Variants in CDH11 observed in about 807,000 individuals in gnomAD.
CDH11 encodes cadherin 11, also known as cadherin-11.
In CDH11, 11 loss-of-function variants were observed where a neutral mutation model predicts 67.8. That is an observed-to-expected ratio of 0.16 (90% CI 0.10 to 0.27). The LOEUF is 0.27. Ranked by LOEUF, CDH11 falls within the 10% of genes least tolerant of loss-of-function variation. The probability of loss-of-function intolerance (pLI) is 1.00; values close to 1 mark genes in which losing one functional copy is unlikely to be tolerated. For missense variants in CDH11, 847 were observed against 1,031.2 expected (o/e 0.82, Z 2.45); for synonymous variants, 419 against 400.0 (o/e 1.05, Z -0.57).
At chr16:65,114,260 T>G (rs2142890138) in intron 1 of CDH11, among the ~76,000 whole-genome samples, 1 of 152,248 alleles carries the variant, frequency 6.6e-6, no homozygotes, top group East Asian at 1.9e-4. Flanking sequence ...AAGCTCCCAT[T>G]ACAAGTAAAA....
chr16:65,047,564 A>C (rs967046090), intron 2 of CDH11, among the ~76,000 whole-genome samples: 6 of 151,966 alleles, frequency 3.9e-5, no homozygotes, highest in Admixed American at 6.6e-5. Context: ...GTTGGCCAGG[A>C]TGGTCTCGAT....
chr16:65,088,819 G>A (rs2074744027), intron 1 of CDH11, among the ~76,000 whole-genome samples: 2 of 152,112 alleles, frequency 1.3e-5, no homozygotes, highest in Non-Finnish European at 2.9e-5. Flanking sequence ...ACATGTTTAG[G>A]TTCAAGACAA....
At chr16:65,084,496 T>C (rs1471053089) in intron 1 of CDH11, among the ~76,000 whole-genome samples, 2 of 140,564 alleles carry the variant, frequency 1.4e-5, no homozygotes, top group African/African-American at 4.9e-5. Flanking sequence ...TATCTAAAGA[T>C]TAAAAAAAAA....
intron 2 of CDH11, among the ~76,000 whole-genome samples, chr16:65,049,864 T>C (rs974782): frequency 0.37 from 56,931 of 151,822 alleles, 11,138 homozygotes; most frequent in Middle Eastern, 0.46. Context: ...CATCCCAAAA[T>C]AGGAAATACA....
intron 2 of CDH11, among the ~76,000 whole-genome samples, chr16:65,010,434 G>A (rs1056205830): frequency 6.6e-6 from 1 of 152,086 alleles, no homozygotes; most frequent in East Asian, 1.9e-4. Context: ...GAGAATAGGG[G>A]AGAAGAAGTA....
At chr16:65,076,687 C>G (rs999856143) in intron 1 of CDH11, among the ~76,000 whole-genome samples, 2 of 148,714 alleles carry the variant, frequency 1.3e-5, no homozygotes, top group African/African-American at 5.0e-5. Flanking sequence ...TAGCCCCCCA[C>G]CCCCCGACAA....
At chr16:65,024,037 G>A (rs1273384478) in intron 2 of CDH11, among the ~76,000 whole-genome samples, 1 of 152,180 alleles carries the variant, frequency 6.6e-6, no homozygotes, top group Non-Finnish European at 1.5e-5. Flanking sequence ...ACTCTGGTTG[G>A]AATGCCTCTG....
intron 11 of CDH11, among the ~76,000 whole-genome samples, 167 bp from the exon 12 acceptor site, chr16:64,951,185 G>A (rs2071354040): frequency 6.6e-6 from 1 of 152,202 alleles, no homozygotes; most frequent in African/African-American, 2.4e-5. Flanking sequence ...CAGCCGTTTG[G>A]CATGATCACG....
chr16:65,054,059 G>A (rs1213726848), intron 1 of CDH11, 131 bp from the exon 2 acceptor site: 1 of 354,464 alleles, frequency 2.8e-6, no homozygotes, highest in East Asian at 7.5e-5. Context: ...CAAAGAGAGA[G>A]AGAAACAAAT....
chr16:65,029,366 T>C (rs371748600), intron 2 of CDH11, among the ~76,000 whole-genome samples: 1 of 152,176 alleles, frequency 6.6e-6, no homozygotes, highest in African/African-American at 2.4e-5. Context: ...AGTCGTTTTG[T>C]CGAACATATT....
At chr16:65,054,885 T>A (rs978878367) in intron 1 of CDH11, among the ~76,000 whole-genome samples, 1 of 152,192 alleles carries the variant, frequency 6.6e-6, no homozygotes, top group Non-Finnish European at 1.5e-5. Flanking sequence ...TGATATTGCT[T>A]CCATCGAACA....
chr16:65,083,108 T>G lies in CDH11; in HGVS notation c.-297-29180A>C, dbSNP rs1345160717. On this transcript the variant is annotated intron_variant, in intron 1 of 12. Coordinates refer to ENST00000268603, the MANE Select transcript of CDH11 (RefSeq NM_001797.4). ...GACCCTTAAAAGTAACTGAGAGAAATGACTTTTTTTCTATTTTGACAATGA... is the reference window on the plus strand; with the variant it reads ...GACCCTTAAAAGTAACTGAGAGAAAGGACTTTTTTTCTATTTTGACAATGA... Among the ~76,000 whole-genome samples the G allele has an allele frequency of 3.3e-5, 5 of 152,210 alleles. No individual in the cohort carries two copies. In the East Asian group the frequency reaches 9.7e-4, roughly 29 times the overall value.
At chr16:65,050,488 A>G (rs2074036523) in intron 2 of CDH11, among the ~76,000 whole-genome samples, 1 of 152,218 alleles carries the variant, frequency 6.6e-6, no homozygotes, top group African/African-American at 2.4e-5. Flanking sequence ...AAAGTCTGGC[A>G]TCTTGACCTG....
chr16:64,992,376 A>G (rs1191067782), intron 5 of CDH11, among the ~76,000 whole-genome samples: 2 of 152,370 alleles, frequency 1.3e-5, no homozygotes, highest in South Asian at 4.1e-4. Flanking sequence ...GCAATACATT[A>G]AAGTGTAAAT....
chr16:65,074,016 G>A (rs1452889336), intron 1 of CDH11, among the ~76,000 whole-genome samples: 1 of 152,164 alleles, frequency 6.6e-6, no homozygotes, highest in African/African-American at 2.4e-5. Flanking sequence ...CATGGCTGTT[G>A]CTAAAGCTGT....
intron 1 of CDH11, among the ~76,000 whole-genome samples, chr16:65,097,908 A>G (rs1476001296): frequency 1.3e-5 from 2 of 152,166 alleles, no homozygotes; most frequent in East Asian, 1.9e-4. Flanking sequence ...ATTTCGCCCA[A>G]TAACTAAGCT....
rs549035172 is a variant in CDH11 at position 65,099,071 on chromosome 16, A to G, written c.-298+22809T>C. The stretch of plus-strand genomic sequence containing the variant: ...ATTTCAGTCACTTACTAACCCTTTA[A>G]TTCACCAATCCAATAAAACTGGGTA... On this transcript the variant is annotated intron_variant, in intron 1 of 12. Coordinates refer to ENST00000268603, the MANE Select transcript of CDH11 (RefSeq NM_001797.4). 9.9e-5 allele frequency among the ~76,000 whole-genome samples: 15 copies of G among 152,258 alleles called. No individual in the cohort carries two copies. In the East Asian group the frequency reaches 1.4e-3, roughly 14 times the overall value.
intron 1 of CDH11, among the ~76,000 whole-genome samples, chr16:65,096,578 T>C (rs934378612): frequency 2.0e-5 from 3 of 151,236 alleles, no homozygotes; most frequent in African/African-American, 7.3e-5. Context: ...ACATATATTA[T>C]ACATATTATA....
At position 65,116,763 on chromosome 16, in the gene CDH11, G is replaced by A. The variant is rs574709636; in HGVS notation, c.-298+5117C>T. Among the ~76,000 whole-genome samples, 617 of 152,260 alleles carry A rather than the reference G, an allele frequency of 4.1e-3. 6 individuals carry two copies. Among genetic ancestry groups the A allele is most frequent in the African/African-American group, 0.014 (587 of 41,554 alleles). ...AATTGGCTTAATAAGGATAGAGAGA[G>A]AGAGAGAGAGGTACGAAGATCAGAA... On this transcript the variant is annotated intron_variant, in intron 1 of 12. Transcript: ENST00000268603.
Sources: allele counts gnomAD v4.1 joint callset (sites outside exome capture counted in the v4.1 genomes callset), GRCh38; gene constraint gnomAD v4.1.1; transcripts MANE v1.5; gene names NCBI Gene and HGNC (gene_info 2026-07-23, HGNC 2026-07-21).